ANKHD1: variants seen among roughly 807,000 people sequenced by gnomAD.
ANKHD1 encodes ankyrin repeat and KH domain-containing protein 1.
ANKHD1 carries 31 observed loss-of-function variants against 230.5 expected under a neutral mutation model. The observed-to-expected ratio is 0.13, with a 90% CI of 0.10 to 0.18. The LOEUF is 0.18. Among genes scored for constraint, ANKHD1 ranks in the 10% least tolerant of loss-of-function variants. ANKHD1 has a pLI of 1.00. For missense variants in ANKHD1, 2,256 were observed against 3,071.3 expected, an observed-to-expected ratio of 0.73 and a Z score of 6.27; for synonymous variants, 1,074 against 1,117.6, an observed-to-expected ratio of 0.96 and a Z score of 0.78.
In ANKHD1 at chr5:140,497,108, G is replaced by A. The variant is rs1192682766; in HGVS notation, c.2834G>A (p.Gly945Glu). Residue 945 changes from glycine to glutamate, a missense_variant, in exon 15 of 34, where the codon GGG (glycine) becomes GAG (glutamate). Gly to Glu is a moderately conservative substitution (Grantham distance 98). This residue lies in a region of ANKHD1 where 358 missense variants were observed against 397.7 expected (regional missense o/e 0.90). Transcript: ENST00000360839. ...CNFSSDLGSN[G>E]TNSLELQKVS... ...TTTTCCAGTGACTTAGGTTCTAATG[G>A]GACAAATTCTCTTGAACTTCAGAAA... The A allele has an allele frequency of 6.2e-7, 1 of 1,614,054 alleles. No homozygotes were observed. Among genetic ancestry groups the A allele is most frequent in the Admixed American group, 1.7e-5 (1 of 60,002 alleles).
intron 5 of ANKHD1, among the ~76,000 whole-genome samples, chr5:140,443,589 G>T (rs1275267034): frequency 6.6e-6 from 1 of 151,958 alleles, no homozygotes; most frequent in Non-Finnish European, 1.5e-5. Context: ...TACTCGGGAG[G>T]CTGAGGCAGG....
intron 30 of ANKHD1, among the ~76,000 whole-genome samples, chr5:140,536,126 C>T (rs530692124): frequency 6.6e-6 from 1 of 152,272 alleles, no homozygotes; most frequent in East Asian, 1.9e-4. Context: ...GAGTGTCTCG[C>T]TCTGTTGCCC....
At chr5:140,445,454 A>T (rs1191551820) in intron 5 of ANKHD1, among the ~76,000 whole-genome samples, 1 of 152,152 alleles carries the variant, frequency 6.6e-6, no homozygotes, top group East Asian at 1.9e-4. Flanking sequence ...TAGTGAGCCA[A>T]GATCGTGCCA....
chr5:140,466,096 A>G (rs1776063753), intron 10 of ANKHD1, among the ~76,000 whole-genome samples: 1 of 152,174 alleles, frequency 6.6e-6, no homozygotes, highest in Non-Finnish European at 1.5e-5. Context: ...GAGTTCTTCT[A>G]AAAAATTGAA....
intron 17 of ANKHD1, 65 bp from the exon 18 acceptor site, chr5:140,505,659 A>G: frequency 3.3e-6 from 5 of 1,530,062 alleles, no homozygotes; most frequent in Non-Finnish European, 4.4e-6. Flanking sequence ...AGAGAATTGT[A>G]AACAGTGGCT....
Position 140,509,781 on chromosome 5 carries a change from C to T in ANKHD1, c.3910C>T (p.His1304Tyr). 1 of 1,611,608 alleles carries T rather than the reference C, an allele frequency of 6.2e-7. No individual in the cohort carries two copies. The highest frequency in any genetic ancestry group is 8.5e-7 in the Non-Finnish European group (1 of 1,179,502). The change falls in exon 21 of 34, where the codon CAC becomes TAC. Residue 1304 changes from histidine (H) to tyrosine (Y), a missense_variant. By Grantham distance (83) the His-to-Tyr change is moderately conservative (BLOSUM62 2). Coordinates refer to ENST00000360839, the MANE Select transcript of ANKHD1 (RefSeq NM_017747.3). ...TTTAACAATAGCAGCAGACAAAGGT[C>T]ACTACAAATTTTGTGAACTCCTGAT... is the stretch of plus-strand genomic sequence containing the variant. Reference protein sequence around the residue: ...TALTIAADKGHYKFCELLIHR... With the variant: ...TALTIAADKGYYKFCELLIHR...
At chr5:140,432,875 A>C (rs2126902347) in intron 1 of ANKHD1, among the ~76,000 whole-genome samples, 1 of 152,140 alleles carries the variant, frequency 6.6e-6, no homozygotes, top group East Asian at 1.9e-4. Flanking sequence ...GGCTAATTTT[A>C]AAATTTTTTG....
Position 140,528,752 on chromosome 5 carries a change from A to G in ANKHD1, c.5806A>G (p.Thr1936Ala). 2 of 1,614,044 alleles carry G rather than the reference A, an allele frequency of 1.2e-6. No individual in the cohort carries two copies. Among genetic ancestry groups the G allele is most frequent in the Non-Finnish European group, 1.7e-6 (2 of 1,179,996 alleles). The change falls in exon 29 of 34, where the codon ACT becomes GCT. Residue 1936 changes from threonine (T) to alanine (A), a missense_variant. Transcript: ENST00000360839. ...AGLATASCPI[T>A]VSSVVAASQQ... ...ACTAGCTACTGCCAGTTGTCCTATC[A>G]CTGTCTCTTCTGTAGTTGCTGCCAG...
At chr5:140,529,838 A>T in intron 29 of ANKHD1, 42 bp downstream of exon 29, 1 of 1,599,490 alleles carries the variant, frequency 6.3e-7, no homozygotes. Flanking sequence ...TGGAGCTCCT[A>T]TGGCCTAATC....
At position 140,445,924 on chromosome 5, in the gene ANKHD1, A is replaced by G. The variant is rs1315774798; in HGVS notation, c.1096A>G (p.Thr366Ala). ...TTTAGATCATGGTGCAGGCATCAAC[A>G]CTCATTCTAATGAATTCAAAGAAAG... The part of the protein sequence containing the change: ...VLLDHGAGIN[T>A]HSNEFKESAL... The change falls in exon 6 of 34, where the codon ACT becomes GCT. Residue 366 changes from threonine to alanine, a missense_variant. By Grantham distance (58) the Thr-to-Ala change is moderately conservative. This residue lies in a region of ANKHD1 where 206 missense variants were observed against 304.5 expected (regional missense o/e 0.68). Transcript: ENST00000360839. 1 of 1,611,082 alleles carries G rather than the reference A, an allele frequency of 6.2e-7. No individual in the cohort carries two copies. Among genetic ancestry groups the G allele is most frequent in the East Asian group, 2.2e-5 (1 of 44,800 alleles).
chr5:140,425,665 C>T (rs113884306), intron 1 of ANKHD1, among the ~76,000 whole-genome samples: 19 of 152,216 alleles, frequency 1.2e-4, no homozygotes, highest in African/African-American at 4.6e-4. Context: ...ATGAATATAG[C>T]CTTTTTATTC....
chr5:140,535,216 T>C, intron 29 of ANKHD1, 146 bp from the exon 30 acceptor site: 3 of 1,274,138 alleles, frequency 2.4e-6, no homozygotes, highest in Non-Finnish European at 3.2e-6. Context: ...TTGTTTTTGC[T>C]GTGGTCTATG....
chr5:140,445,177 G>T (rs1774178678), intron 5 of ANKHD1, among the ~76,000 whole-genome samples: 1 of 150,972 alleles, frequency 6.6e-6, no homozygotes, highest in Non-Finnish European at 1.5e-5. Flanking sequence ...CTCTTAATTA[G>T]TAGGAAAATT....
intron 10 of ANKHD1, among the ~76,000 whole-genome samples, chr5:140,476,042 T>C (rs1246096861): frequency 6.6e-6 from 1 of 152,102 alleles, no homozygotes; most frequent in African/African-American, 2.4e-5. Flanking sequence ...AAGCTGATAA[T>C]TACGTATTAA....
rs1179973588 is a variant in ANKHD1 at position 140,507,953 on chromosome 5, G to C, written c.3720G>C (p.Val1240=). ...LACFQGRAEV[V]SLLLDRKANV... ...GTTTCCAGGGCCGAGCAGAAGTAGT[G>C]AGTTTGCTTCTGGACCGAAAAGCCA... Residue 1240 remains valine (V), a synonymous_variant, in exon 20 of 34, where the codon GTG becomes GTC. Coordinates refer to ENST00000360839, the MANE Select transcript of ANKHD1 (RefSeq NM_017747.3). This position sits in a 1 kb window ranked among gnomAD's most constrained non-coding sequence, Gnocchi z 4.1. 1.9e-6 allele frequency: 3 copies of C among 1,614,004 alleles called. No individual in the cohort carries two copies. The highest frequency in any genetic ancestry group is 1.7e-4 in the Middle Eastern group (1 of 6,058).
chr5:140,414,345 T>C (rs1345864183), intron 1 of ANKHD1, among the ~76,000 whole-genome samples: 1 of 152,198 alleles, frequency 6.6e-6, no homozygotes, highest in Non-Finnish European at 1.5e-5. Context: ...TTTCTCCATA[T>C]TCTAGCCAAC....
intron 7 of ANKHD1, among the ~76,000 whole-genome samples, chr5:140,454,179 C>T (rs1419457398): frequency 6.6e-6 from 1 of 152,146 alleles, no homozygotes; most frequent in Non-Finnish European, 1.5e-5. Context: ...AATATATATG[C>T]ACCCAATACA....
intron 7 of ANKHD1, among the ~76,000 whole-genome samples, chr5:140,458,253 C>T (rs1306129363): frequency 6.6e-6 from 1 of 152,036 alleles, no homozygotes; most frequent in Non-Finnish European, 1.5e-5. Flanking sequence ...TGTATTTGAC[C>T]TGGCAGTAGT....
chr5:140,412,197 C>T (rs1486290705), intron 1 of ANKHD1, among the ~76,000 whole-genome samples: 1 of 151,912 alleles, frequency 6.6e-6, no homozygotes, highest in Non-Finnish European at 1.5e-5. Flanking sequence ...CCACCATGCC[C>T]CGCTAATTTG....
Sources: gnomAD v4.1 joint callset for allele counts (sites outside exome capture counted in the v4.1 genomes callset) on GRCh38, gnomAD v4.1.1 for gene constraint, gnomAD v4.1.1 regional missense constraint, Gnocchi (gnomAD v3.1) non-coding constraint, MANE v1.5 for transcripts, NCBI Gene and HGNC (gene_info 2026-07-23, HGNC 2026-07-21) for gene names.